MSRA: variants seen among roughly 807,000 people sequenced by gnomAD.
MSRA encodes the protein methionine sulfoxide reductase A, also known as mitochondrial peptide methionine sulfoxide reductase.
Under a neutral mutation model 31.3 loss-of-function variants are expected in MSRA, and 54 were observed. The observed-to-expected ratio is 1.73, with a 90% CI of 1.39 to 2.17. The LOEUF is 2.17. Among genes scored for constraint, MSRA ranks in the 30% most tolerant of loss-of-function variants. The pLI, the probability that MSRA is intolerant of heterozygous loss-of-function variation, is 0.00. For missense variants in MSRA, 507 were observed against 300.9 expected, an observed-to-expected ratio of 1.69 and a Z score of -5.07; for synonymous variants, 169 against 116.5, an observed-to-expected ratio of 1.45 and a Z score of -2.90.
At chr8:10,129,198 TCTTTGCTG>T in intron 1 of MSRA, among the ~76,000 whole-genome samples, 1 of 152,308 alleles carries the variant, frequency 6.6e-6, no homozygotes, top group Middle Eastern at 3.4e-3. Context: ...TGCTGTAGGT[TCTTTGCTG>T]TCTTGGTCAC....
At chr8:10,183,716 A>G (rs1284042236) in intron 1 of MSRA, among the ~76,000 whole-genome samples, 2 of 149,350 alleles carry the variant, frequency 1.3e-5, no homozygotes, top group South Asian at 2.1e-4. Context: ...ACAGAGGCAT[A>G]GTGTTTTTCT....
chr8:10,108,939 G>C (rs1003057041), intron 1 of MSRA, among the ~76,000 whole-genome samples: 4 of 152,164 alleles, frequency 2.6e-5, no homozygotes, highest in African/African-American at 7.2e-5. Context: ...TGAAATAAAA[G>C]TCTATTTATA....
intron 5 of MSRA, among the ~76,000 whole-genome samples, chr8:10,407,128 C>T (rs893942254): frequency 1.3e-5 from 2 of 152,234 alleles, no homozygotes; most frequent in African/African-American, 4.8e-5. Context: ...CTTCCCGCCT[C>T]GGCCTTCTAA....
intron 5 of MSRA, among the ~76,000 whole-genome samples, chr8:10,398,843 T>A (rs992778281): frequency 6.6e-6 from 1 of 152,230 alleles, no homozygotes; most frequent in Middle Eastern, 3.2e-3. Flanking sequence ...GCAAAAAATA[T>A]CACCATTGCT....
chr8:10,166,442 TTGTG>T (rs1805132346), intron 1 of MSRA, among the ~76,000 whole-genome samples: 1 of 152,128 alleles, frequency 6.6e-6, no homozygotes, highest in Non-Finnish European at 1.5e-5. Context: ...GTGTATGCAT[TTGTG>T]TGACTACATA....
chr8:10,183,680 T>C (rs960156629), intron 1 of MSRA, among the ~76,000 whole-genome samples: 1 of 152,098 alleles, frequency 6.6e-6, no homozygotes, highest in African/African-American at 2.4e-5. Flanking sequence ...TTTTTCCCAC[T>C]CTACCCTGGA....
In MSRA at chr8:10,319,898, A is replaced by G. The variant is rs751013280; in HGVS notation, c.452A>G (p.Asn151Ser). Residue 151 changes from asparagine to serine, a missense_variant, in exon 5 of 6, where the codon AAC (asparagine) becomes AGC (serine). Asn to Ser is a conservative substitution (Grantham distance 46). Coordinates refer to ENST00000317173, the MANE Select transcript of MSRA (RefSeq NM_012331.5). The stretch of plus-strand genomic sequence containing the variant: ...GCTTTCCTAGGTATGCGCCAGGGGA[A>G]CGACCATGGCACTCAGTACCGCTCG... ...HDPTQGMRQG[N>S]DHGTQYRSAI... 68 of 1,558,610 alleles carry G rather than the reference A, an allele frequency of 4.4e-5. No homozygotes were observed. Among genetic ancestry groups the G allele is most frequent in the Non-Finnish European group, 5.7e-5 (66 of 1,151,202 alleles).
intron 3 of MSRA, among the ~76,000 whole-genome samples, chr8:10,283,887 TTATC>T (rs1187889465): frequency 1.5e-5 from 2 of 136,242 alleles, no homozygotes; most frequent in Admixed American, 7.5e-5. Flanking sequence ...TACAGTTTCT[TTATC>T]TACTCATTGA....
intron 1 of MSRA, among the ~76,000 whole-genome samples, chr8:10,170,902 A>C (rs548067833): frequency 1.3e-5 from 2 of 152,198 alleles, no homozygotes; most frequent in South Asian, 2.1e-4. Context: ...TTCCTTTGCT[A>C]TCTCAATGAA....
intron 5 of MSRA, among the ~76,000 whole-genome samples, chr8:10,406,211 A>G (rs186267376): frequency 6.6e-6 from 1 of 152,348 alleles, no homozygotes; most frequent in East Asian, 1.9e-4. Context: ...TCTCGCAGAA[A>G]GTCTACCGTG....
At chr8:10,157,458 A>G (rs1484436476) in intron 1 of MSRA, among the ~76,000 whole-genome samples, 5 of 152,120 alleles carry the variant, frequency 3.3e-5, no homozygotes, top group Non-Finnish European at 7.3e-5. Context: ...AAGAATTTTT[A>G]AAAAGATTAC....
intron 1 of MSRA, among the ~76,000 whole-genome samples, chr8:10,061,208 C>A (rs1375903430): frequency 6.6e-6 from 1 of 151,984 alleles, no homozygotes; most frequent in Non-Finnish European, 1.5e-5. Flanking sequence ...TAATGTGTTT[C>A]ACTTTTCTGC....
intron 5 of MSRA, among the ~76,000 whole-genome samples, chr8:10,341,878 G>C (rs1803448859): frequency 1.3e-5 from 2 of 152,224 alleles, no homozygotes; most frequent in Admixed American, 6.5e-5. Context: ...TGATGAGGAA[G>C]GCATGGCTCG....
intron 3 of MSRA, among the ~76,000 whole-genome samples, chr8:10,250,129 A>G (rs2129085669): frequency 6.6e-6 from 1 of 152,286 alleles, no homozygotes; most frequent in African/African-American, 2.4e-5. Context: ...ACACACACAC[A>G]CACCCTCAAA....
chr8:10,061,713 T>C (rs1337342565), intron 1 of MSRA, among the ~76,000 whole-genome samples: 1 of 152,212 alleles, frequency 6.6e-6, no homozygotes, highest in Non-Finnish European at 1.5e-5. Flanking sequence ...ACCATCATGA[T>C]ACAGAGAAGT....
At chr8:10,103,524 A>G (rs545650624) in intron 1 of MSRA, among the ~76,000 whole-genome samples, 3 of 152,268 alleles carry the variant, frequency 2.0e-5, no homozygotes, top group Admixed American at 6.5e-5. Context: ...ACCAATATCA[A>G]AGGGTTGTTC....
intron 3 of MSRA, among the ~76,000 whole-genome samples, chr8:10,276,891 T>A (rs1452394685): frequency 6.6e-6 from 1 of 152,216 alleles, no homozygotes; most frequent in Admixed American, 6.5e-5. Flanking sequence ...AGGATCTTTT[T>A]TTCATCTGAA....
intron 1 of MSRA, among the ~76,000 whole-genome samples, chr8:10,199,167 C>G (rs368358666): frequency 5.1e-4 from 78 of 152,262 alleles, no homozygotes; most frequent in African/African-American, 1.8e-3. Flanking sequence ...GGTTTCCATG[C>G]TGTCTTCTAG....
chr8:10,232,128 G>A (rs1002108249), intron 2 of MSRA, among the ~76,000 whole-genome samples: 2 of 152,116 alleles, frequency 1.3e-5, no homozygotes, highest in Non-Finnish European at 2.9e-5. Context: ...CCTGGAAATT[G>A]TTGTGTACGT....
Sources: allele counts gnomAD v4.1 joint callset (sites outside exome capture counted in the v4.1 genomes callset), GRCh38; gene constraint gnomAD v4.1.1; transcripts MANE v1.5; gene names NCBI Gene and HGNC (gene_info 2026-07-23, HGNC 2026-07-21).